SBF2: variants seen among roughly 807,000 people sequenced by gnomAD.
The protein encoded by SBF2 is myotubularin-related protein 13.
In SBF2, 112 loss-of-function variants were observed where a neutral mutation model predicts 225.2. The observed-to-expected ratio is 0.50, with a 90% CI of 0.43 to 0.58. The LOEUF is 0.58. SBF2 is among the 20% of genes least tolerant of loss of function. The pLI is 0.00. For missense variants in SBF2, 1,996 were observed against 2,206.2 expected (o/e 0.90, Z 1.91); for synonymous variants, 763 against 773.3 (o/e 0.99, Z 0.22).
Position 9,829,361 on chromosome 11 carries a change from G to A in SBF2, c.3788C>T (p.Ser1263Phe). The A allele has an allele frequency of 6.2e-7, 1 of 1,614,128 alleles. No individual in the cohort carries two copies. The change falls in exon 28 of 40, where the codon TCT becomes TTT. Residue 1263 changes from serine to phenylalanine, a missense_variant. Transcript: ENST00000256190. ...AAAGTATTATCAAATCTTACCTGGA[G>A]ATAGAGCAAAGGCTGGCCTGACAGT... is the stretch of plus-strand genomic sequence containing the variant. ...TLTVRPAFAL[S>F]PGVWASLRSS...
upstream of SBF2, among the ~76,000 whole-genome samples, chr11:10,298,118 C>T (rs1454364253): frequency 5.3e-5 from 8 of 152,196 alleles, no homozygotes; most frequent in African/African-American, 1.2e-4. Context: ...AGATGGAATG[C>T]GGTGGCTCAC....
At chr11:9,910,976 T>C (rs774706980) in intron 16 of SBF2, among the ~76,000 whole-genome samples, 2 of 151,252 alleles carry the variant, frequency 1.3e-5, no homozygotes, top group Non-Finnish European at 2.9e-5. Context: ...GGGGAATTGC[T>C]TGAACCTGGG....
chr11:9,891,837 G>A (rs1222906726), intron 17 of SBF2, among the ~76,000 whole-genome samples: 2 of 152,164 alleles, frequency 1.3e-5, no homozygotes, highest in African/African-American at 2.4e-5. Context: ...TAAGACAGGC[G>A]ATGTTACAAG....
At chr11:10,249,961 T>C (rs1591305040) in intron 1 of SBF2, among the ~76,000 whole-genome samples, 2 of 151,958 alleles carry the variant, frequency 1.3e-5, no homozygotes, top group Admixed American at 6.6e-5. Flanking sequence ...TTAAGTTACA[T>C]GGGAAGCATT....
intron 2 of SBF2, among the ~76,000 whole-genome samples, chr11:10,100,349 C>G (rs1291908106): frequency 6.6e-6 from 1 of 152,186 alleles, no homozygotes; most frequent in Admixed American, 6.5e-5. Context: ...TGGGATTGCC[C>G]TTGTGGCTGC....
At chr11:10,144,230 A>G (rs955353283) in intron 2 of SBF2, among the ~76,000 whole-genome samples, 10 of 152,184 alleles carry the variant, frequency 6.6e-5, no homozygotes, top group African/African-American at 2.4e-4. Flanking sequence ...GCTCATGCCT[A>G]TAATCCCAGC....
At chr11:10,219,791 A>G (rs1958276809) in intron 1 of SBF2, among the ~76,000 whole-genome samples, 1 of 152,150 alleles carries the variant, frequency 6.6e-6, no homozygotes, top group Non-Finnish European at 1.5e-5. Context: ...AGTTCCCAAC[A>G]AGTTTCTCAT....
At chr11:9,948,322 A>G (rs1237172827) in intron 16 of SBF2, among the ~76,000 whole-genome samples, 1 of 152,072 alleles carries the variant, frequency 6.6e-6, no homozygotes, top group African/African-American at 2.4e-5. Context: ...AGATGGAAAA[A>G]GTTATGGAGA....
chr11:9,840,127 G>A (rs946528559), intron 25 of SBF2, among the ~76,000 whole-genome samples: 7 of 152,010 alleles, frequency 4.6e-5, no homozygotes, highest in African/African-American at 7.3e-5. Context: ...CCAGCTACTC[G>A]GGAGGCTGAG....
At chr11:9,886,590 A>G (rs2134103339) in intron 17 of SBF2, among the ~76,000 whole-genome samples, 1 of 146,374 alleles carries the variant, frequency 6.8e-6, no homozygotes, top group Middle Eastern at 3.6e-3. Context: ...TAAAAAGTGG[A>G]TTTCTGCCTC....
At chr11:10,260,611 G>A (rs1961333363) in intron 1 of SBF2, among the ~76,000 whole-genome samples, 1 of 150,894 alleles carries the variant, frequency 6.6e-6, no homozygotes, top group South Asian at 2.1e-4. Context: ...AGCTACTCAG[G>A]AGAATGGTGT....
intron 1 of SBF2, among the ~76,000 whole-genome samples, chr11:10,276,570 G>A (rs1015146427): frequency 2.6e-5 from 4 of 152,150 alleles, no homozygotes; most frequent in Non-Finnish European, 5.9e-5. Context: ...TGTATTTATA[G>A]ACAAAAGTTT....
At position 9,832,148 on chromosome 11, in the gene SBF2, C is replaced by A. The variant is rs549274947; in HGVS notation, c.3652+76G>T. 4 of 1,349,384 alleles carry A rather than the reference C, an allele frequency of 3.0e-6. No individual in the cohort carries two copies. The Admixed American group carries it at 7.2e-5, about 24-fold the overall frequency. The allele number at this position is 1,349,384 out of a possible 1,614,324, so 83.6% of individuals were successfully genotyped here. On this transcript the variant is annotated intron_variant, in intron 27 of 39. Coordinates refer to ENST00000256190, the MANE Select transcript of SBF2 (RefSeq NM_030962.4). ...AAGACTTGATGAAAAGGCACCATTC[C>A]CAGATTTTACTTCCTTTATTTTTAG...
intron 16 of SBF2, among the ~76,000 whole-genome samples, chr11:9,939,135 G>A (rs561813275): frequency 5.9e-5 from 9 of 151,764 alleles, no homozygotes; most frequent in Non-Finnish European, 1.0e-4. Flanking sequence ...TCTCACTGTC[G>A]CCTAGGCTGG....
chr11:9,822,384 C>G (rs1438846015), intron 28 of SBF2, among the ~76,000 whole-genome samples: 1 of 152,038 alleles, frequency 6.6e-6, no homozygotes, highest in African/African-American at 2.4e-5. Flanking sequence ...CCTCAGCCTC[C>G]CGCATAGCTG....
intron 16 of SBF2, among the ~76,000 whole-genome samples, chr11:9,950,159 A>T (rs1315418030): frequency 3.3e-5 from 5 of 152,100 alleles, no homozygotes; most frequent in Admixed American, 3.3e-4. Flanking sequence ...AAAAAAAAAA[A>T]AGTGTCCTGA....
At chr11:10,186,508 G>C (rs1956938787) in intron 2 of SBF2, among the ~76,000 whole-genome samples, 1 of 152,156 alleles carries the variant, frequency 6.6e-6, no homozygotes, top group Non-Finnish European at 1.5e-5. Flanking sequence ...CTCCAGCCTG[G>C]ATGACAGAGT....
chr11:9,796,983 G>A (rs952770210), intron 32 of SBF2, among the ~76,000 whole-genome samples: 1 of 152,166 alleles, frequency 6.6e-6, no homozygotes, highest in Non-Finnish European at 1.5e-5. Flanking sequence ...AGTCTGCCTC[G>A]CAATCTCACC....
intron 24 of SBF2, 145 bp from the exon 25 acceptor site, chr11:9,842,915 G>A (rs939945157): frequency 1.5e-5 from 11 of 739,220 alleles, no homozygotes; most frequent in Non-Finnish European, 2.4e-5. Flanking sequence ...CCTTCTTTAG[G>A]TTACTTTTAA....
Sources: allele counts gnomAD v4.1 joint callset (sites outside exome capture counted in the v4.1 genomes callset), GRCh38; gene constraint gnomAD v4.1.1; transcripts MANE v1.5; gene names NCBI Gene and HGNC (gene_info 2026-07-23, HGNC 2026-07-21).